The following EYS variants were observed in gnomAD, a reference collection of about 807,000 sequenced individuals.
The protein encoded by EYS is protein eyes shut homolog.
Under a neutral mutation model 282.1 loss-of-function variants are expected in EYS, and 250 were observed. That is an observed-to-expected ratio of 0.89 (90% CI 0.80 to 0.98). EYS has a LOEUF of 0.98. Among genes scored for constraint, EYS ranks in the 50% least tolerant of loss-of-function variants. The probability of loss-of-function intolerance (pLI) is 0.00; values close to 1 mark genes in which losing one functional copy is unlikely to be tolerated. For synonymous variants in EYS, 1,355 were observed against 1,282.9 expected, an observed-to-expected ratio of 1.06 and a Z score of -1.20; for missense variants, 4,016 against 3,709.0, an observed-to-expected ratio of 1.08 and a Z score of -2.15.
chr6:64,855,179 T>C (rs144175570), intron 19 of EYS, among the ~76,000 whole-genome samples: 168 of 152,050 alleles, frequency 1.1e-3, no homozygotes, highest in Middle Eastern at 0.01. Context: ...TGTATCTGTA[T>C]GTGTGTGTGT....
At chr6:64,361,792 T>A (rs557393772) in intron 29 of EYS, among the ~76,000 whole-genome samples, 4 of 151,850 alleles carry the variant, frequency 2.6e-5, no homozygotes, top group African/African-American at 9.6e-5. Context: ...GAGTTAGATA[T>A]TTTCATTTTC....
chr6:64,657,456 T>C (rs1330891274), intron 22 of EYS, among the ~76,000 whole-genome samples: 1 of 152,210 alleles, frequency 6.6e-6, no homozygotes, highest in Non-Finnish European at 1.5e-5. Context: ...GCATTGATGG[T>C]CTTTACAATT....
At chr6:64,650,859 A>G (rs1034694884) in intron 22 of EYS, among the ~76,000 whole-genome samples, 2 of 152,098 alleles carry the variant, frequency 1.3e-5, no homozygotes, top group Non-Finnish European at 2.9e-5. Context: ...AATTATACAC[A>G]TATCTTTGAA....
At position 64,574,159 on chromosome 6, in the gene EYS, A is replaced by C. The variant is rs192431999; in HGVS notation, c.5644+16064T>G. Reference sequence around the variant, plus strand: ...GATGAAGCTGGAAACCATCATTCTCAGCAAACTAACACAGGAACGGAAAAT... The same window carrying C: ...GATGAAGCTGGAAACCATCATTCTCCGCAAACTAACACAGGAACGGAAAAT... On this transcript the variant is annotated intron_variant, in intron 26 of 42. Transcript: ENST00000503581. 1.1e-3 allele frequency among the ~76,000 whole-genome samples: 165 copies of C among 152,310 alleles called. 1 individual carries two copies. Among genetic ancestry groups the C allele is most frequent in the Non-Finnish European group, 2.1e-3 (144 of 68,026 alleles).
chr6:64,558,041 C>A (rs1440280291), intron 26 of EYS, among the ~76,000 whole-genome samples: 1 of 151,982 alleles, frequency 6.6e-6, no homozygotes, highest in Non-Finnish European at 1.5e-5. Context: ...GGTGCCCTTT[C>A]TTTTTAGTAG....
In EYS at chr6:64,287,839, G is replaced by A. The variant is rs371677554; in HGVS notation, c.6191+19131C>T. 9.9e-5 allele frequency among the ~76,000 whole-genome samples: 15 copies of A among 152,282 alleles called. No individual in the cohort carries two copies. The East Asian group carries it at 2.7e-3, about 27-fold the overall frequency. ...GAGAACTTTTGGAGTCTCCATGGCT[G>A]ATATGAAGTAACCCTATGGAGACAA... On this transcript the variant is annotated intron_variant, in intron 30 of 42. Transcript: ENST00000503581.
chr6:64,729,971 A>T (rs1300329290), intron 22 of EYS, among the ~76,000 whole-genome samples: 5 of 152,242 alleles, frequency 3.3e-5, no homozygotes, highest in African/African-American at 1.2e-4. Context: ...GCATCCAGTG[A>T]GAAAATATAA....
intron 36 of EYS, among the ~76,000 whole-genome samples, chr6:63,817,423 G>A (rs1229132582): frequency 6.6e-6 from 1 of 152,196 alleles, no homozygotes; most frequent in Non-Finnish European, 1.5e-5. Context: ...AATGGGGGCT[G>A]CTCATCAGGA....
In EYS at chr6:64,578,659, G is replaced by A. The variant is rs192686387; in HGVS notation, c.5644+11564C>T. 2.0e-4 allele frequency among the ~76,000 whole-genome samples: 31 copies of A among 151,582 alleles called. No individual in the cohort carries two copies. In the East Asian group the frequency reaches 5.8e-3, roughly 29 times the overall value. ...GTTTTATGCTTAGTGTTTATTATCT[G>A]TCTCTCTCCACTAGAAGTTAAGCTC... is the stretch of plus-strand genomic sequence containing the variant. On this transcript the variant is annotated intron_variant, in intron 26 of 42. Transcript: ENST00000503581.
intron 1 of EYS, among the ~76,000 whole-genome samples, chr6:65,651,223 T>G (rs961542929): frequency 6.6e-6 from 1 of 152,020 alleles, no homozygotes; most frequent in African/African-American, 2.4e-5. Flanking sequence ...TTCCAAGGAA[T>G]GACCTTGCAT....
intron 2 of EYS, among the ~76,000 whole-genome samples, chr6:65,521,271 G>A (rs1447067469): frequency 6.6e-6 from 1 of 152,042 alleles, no homozygotes; most frequent in Non-Finnish European, 1.5e-5. Flanking sequence ...AGGCTCTAGA[G>A]TCAAAAACCC....
intron 9 of EYS, among the ~76,000 whole-genome samples, chr6:65,345,533 C>T (rs910046205): frequency 4.0e-5 from 6 of 151,520 alleles, no homozygotes; most frequent in African/African-American, 1.5e-4. Flanking sequence ...ATTTTTAAAA[C>T]TATTTTATTC....
At position 64,853,739 on chromosome 6, in the gene EYS, C is replaced by A. The variant is rs372822430; in HGVS notation, c.2993-30917G>T. Among the ~76,000 whole-genome samples, 165 of 152,026 alleles carry A rather than the reference C, an allele frequency of 1.1e-3. 3 individuals carry two copies. The East Asian group carries it at 0.026, about 24-fold the overall frequency. ...ACACCAAAAGCAATGGCAACAAAAG[C>A]CAAAATTGACAAATGGGATCTAATT... On this transcript the variant is annotated intron_variant, in intron 19 of 42. Transcript: ENST00000503581.
chr6:63,851,953 C>T (rs373226436), intron 36 of EYS, among the ~76,000 whole-genome samples: 2 of 151,886 alleles, frequency 1.3e-5, no homozygotes, highest in Admixed American at 6.6e-5. Flanking sequence ...GTCAGGAGAT[C>T]GAGACCATCC....
At chr6:65,018,539 C>T (rs966329870) in intron 13 of EYS, among the ~76,000 whole-genome samples, 1 of 152,154 alleles carries the variant, frequency 6.6e-6, no homozygotes. Flanking sequence ...TGAACTGATC[C>T]TATTTCCAAA....
intron 36 of EYS, among the ~76,000 whole-genome samples, chr6:63,831,803 C>G (rs1771646476): frequency 6.6e-6 from 1 of 152,072 alleles, no homozygotes; most frequent in Non-Finnish European, 1.5e-5. Flanking sequence ...CAAAATTGAC[C>G]ACATATTTGG....
intron 30 of EYS, among the ~76,000 whole-genome samples, chr6:64,272,602 C>T (rs1369784179): frequency 6.6e-6 from 1 of 152,050 alleles, no homozygotes; most frequent in African/African-American, 2.4e-5. Flanking sequence ...ATATTGGCCC[C>T]CACTCTCTTC....
chr6:65,084,978 G>A (rs888073895), intron 12 of EYS, among the ~76,000 whole-genome samples: 1 of 152,038 alleles, frequency 6.6e-6, no homozygotes, highest in Non-Finnish European at 1.5e-5. Flanking sequence ...GCATCTGGGG[G>A]TTCTCCACTG....
At position 65,296,122 on chromosome 6, in the gene EYS, G is replaced by A; in HGVS notation, c.1767-3C>T. ...TGTAACTAAGAGAACAGCTGCATCT[G>A]AAACACAGAGAAATGAAAAACCCAA... On this transcript the variant is annotated splice_region_variant and splice_polypyrimidine_tract_variant and intron_variant, in intron 11 of 42. Transcript: ENST00000503581. 1.3e-6 allele frequency: 2 copies of A among 1,537,512 alleles called. No individual in the cohort carries two copies. Among genetic ancestry groups the A allele is most frequent in the African/African-American group, 1.4e-5 (1 of 72,634 alleles).
Sources: allele counts gnomAD v4.1 joint callset (sites outside exome capture counted in the v4.1 genomes callset), GRCh38; gene constraint gnomAD v4.1.1; transcripts MANE v1.5; gene names NCBI Gene and HGNC (gene_info 2026-07-23, HGNC 2026-07-21).